Variants in GSE1 observed in about 807,000 individuals in gnomAD.
The protein encoded by GSE1 is genetic suppressor element 1.
In GSE1, 32 loss-of-function variants were observed where a neutral mutation model predicts 112.6. That is an observed-to-expected ratio of 0.28 (90% CI 0.21 to 0.38). The LOEUF (loss-of-function observed/expected upper bound fraction) is 0.38. Ranked by LOEUF, GSE1 falls within the 10% of genes least tolerant of loss-of-function variation. GSE1 has a pLI of 1.00. For synonymous variants in GSE1, 1,115 were observed against 735.6 expected, an observed-to-expected ratio of 1.52 and a Z score of -8.35; for missense variants, 2,348 against 1,699.2, an observed-to-expected ratio of 1.38 and a Z score of -6.71.
chr16:85,351,858 C>T (rs533154781), intron 1 of GSE1, among the ~76,000 whole-genome samples: 13 of 152,116 alleles, frequency 8.5e-5, no homozygotes, highest in African/African-American at 2.4e-4. Flanking sequence ...GGCCTGGTGG[C>T]GGCCACCTGT....
At chr16:85,171,688 G>T in exon 1 of GSE1, 1 of 985,668 alleles carries the variant, frequency 1.0e-6, no homozygotes. Context: ...GTTGGTGGAT[G>T]ACGGACAGCA....
chr16:85,233,432 A>G (rs1904311750), intron 1 of GSE1, among the ~76,000 whole-genome samples: 1 of 152,184 alleles, frequency 6.6e-6, no homozygotes, highest in Admixed American at 6.5e-5. Context: ...GGGGAAATTT[A>G]GAACAGTTCC....
At chr16:85,391,092 C>A (rs775784204) in intron 2 of GSE1, among the ~76,000 whole-genome samples, 2 of 152,260 alleles carry the variant, frequency 1.3e-5, no homozygotes, top group East Asian at 3.9e-4. Flanking sequence ...GCACCGCCCC[C>A]CCACCGCCCC....
At chr16:85,609,198 C>G (rs1265625497), upstream of GSE1, among the ~76,000 whole-genome samples, 1 of 152,236 alleles carries the variant, frequency 6.6e-6, no homozygotes, top group Non-Finnish European at 1.5e-5. Flanking sequence ...TCCCCTCTGT[C>G]AGCATCTGCC....
At chr16:85,663,199 G>C in intron 10 of GSE1, 106 bp downstream of exon 10, 1 of 1,270,370 alleles carries the variant, frequency 7.9e-7, no homozygotes, top group Non-Finnish European at 1.1e-6. Context: ...CGAAGTCCTG[G>C]CGGGTTCGCC....
chr16:85,583,359 CCAGGG>C (rs1250971599), intron 1 of GSE1: 1 of 152,626 alleles, frequency 6.6e-6, no homozygotes, highest in Non-Finnish European at 1.5e-5. Context: ...CTGCCTGCTT[CCAGGG>C]TCCTCCATAG....
chr16:85,631,898 G>A lies in GSE1; in HGVS notation c.8-2016G>A, dbSNP rs116302764. 4.8e-3 allele frequency among the ~76,000 whole-genome samples: 726 copies of A among 152,404 alleles called. 5 individuals are homozygous for A. Among genetic ancestry groups the A allele is most frequent in the African/African-American group, 0.016 (669 of 41,598 alleles). On this transcript the variant is annotated intron_variant, in intron 1 of 15. Transcript: ENST00000253458. ...GGACCCGCTGCGCCTCTGTGCACAG[G>A]GAGAGGCACTGATGGCAGCCCGGTG...
intron 1 of GSE1, among the ~76,000 whole-genome samples, chr16:85,246,914 G>A (rs1905912517): frequency 6.6e-6 from 1 of 152,104 alleles, no homozygotes; most frequent in African/African-American, 2.4e-5. Flanking sequence ...TGGTAGAGGG[G>A]CTAGGTTGGG....
chr16:85,619,107 G>A (rs1420037748), intron 1 of GSE1, among the ~76,000 whole-genome samples: 3 of 152,166 alleles, frequency 2.0e-5, no homozygotes, highest in Non-Finnish European at 2.9e-5. Context: ...AGACCCTGCC[G>A]GCCCCTCTGC....
intron 1 of GSE1, among the ~76,000 whole-genome samples, chr16:85,357,069 G>A (rs79656336): frequency 2.0e-4 from 30 of 152,304 alleles, no homozygotes; most frequent in Admixed American, 3.3e-4. Flanking sequence ...CCCCACCACC[G>A]CCAGGGGACA....
chr16:85,313,988 ATG>A (rs375083956), intron 1 of GSE1, among the ~76,000 whole-genome samples: 4,376 of 135,932 alleles, frequency 0.032, 209 homozygotes, highest in African/African-American at 0.13. Flanking sequence ...TAGTGTGTGT[ATG>A]TGTGTGTGTG....
chr16:85,524,429 G>C (rs1435700194), intron 2 of GSE1, among the ~76,000 whole-genome samples: 1 of 152,160 alleles, frequency 6.6e-6, no homozygotes, highest in Non-Finnish European at 1.5e-5. Flanking sequence ...AGAGACATAA[G>C]GGCTCCTAAA....
At chr16:85,528,120 G>A (rs1474499149) in intron 2 of GSE1, among the ~76,000 whole-genome samples, 1 of 152,220 alleles carries the variant, frequency 6.6e-6, no homozygotes, top group Non-Finnish European at 1.5e-5. Flanking sequence ...CATTGGCACT[G>A]TTCTAACCTG....
At chr16:85,472,454 G>A (rs547913408) in intron 2 of GSE1, among the ~76,000 whole-genome samples, 5 of 152,302 alleles carry the variant, frequency 3.3e-5, no homozygotes, top group Admixed American at 2.6e-4. Flanking sequence ...GCTATTCTGT[G>A]TCCAAATTTC....
chr16:85,382,830 ACT>A (rs769484451), intron 2 of GSE1, among the ~76,000 whole-genome samples: 2 of 151,238 alleles, frequency 1.3e-5, no homozygotes, highest in African/African-American at 2.4e-5. Flanking sequence ...GCACAAACAC[ACT>A]CATGCACACA....
chr16:85,632,424 C>T (rs915584293), intron 1 of GSE1, among the ~76,000 whole-genome samples: 5 of 152,196 alleles, frequency 3.3e-5, no homozygotes, highest in East Asian at 1.9e-4. Flanking sequence ...TTTCTCCCTA[C>T]GTCCCCTCTA....
chr16:85,424,653 G>C lies in GSE1; in HGVS notation c.2464+67010G>C, dbSNP rs542638389. On this transcript the variant is annotated intron_variant, in intron 2 of 2. Coordinates refer to the GSE1 transcript ENST00000637419. ...ATCTAAAAGTAATTATTACAAACAG[G>C]CTGCTTGGGAACACCTGCTCCCGCC... Among the ~76,000 whole-genome samples, 7 of 152,336 alleles carry C rather than the reference G, an allele frequency of 4.6e-5. No individual in the cohort carries two copies. In the East Asian group the frequency reaches 9.6e-4, roughly 21 times the overall value.
chr16:85,632,012 G>A (rs973919252), intron 1 of GSE1, among the ~76,000 whole-genome samples: 15 of 152,264 alleles, frequency 9.9e-5, no homozygotes, highest in African/African-American at 3.6e-4. Flanking sequence ...CAGGCTGGCC[G>A]AGGACGGGCC....
intron 1 of GSE1, among the ~76,000 whole-genome samples, chr16:85,274,454 C>G (rs1004729134): frequency 6.6e-6 from 1 of 151,602 alleles, no homozygotes; most frequent in Non-Finnish European, 1.5e-5. Flanking sequence ...ATTTATCGAG[C>G]ACTCGGCCAG....
Sources: gnomAD v4.1 joint callset for allele counts (sites outside exome capture counted in the v4.1 genomes callset) on GRCh38, gnomAD v4.1.1 for gene constraint, MANE v1.5 for transcripts, NCBI Gene and HGNC (gene_info 2026-07-23, HGNC 2026-07-21) for gene names.